ZNF248: variants seen among roughly 807,000 people sequenced by gnomAD.
The protein encoded by ZNF248 is zinc finger protein 248.
In ZNF248, 20 loss-of-function variants were observed where a neutral mutation model predicts 44.3. The observed-to-expected ratio is 0.45, with a 90% confidence interval of 0.32 to 0.66. The LOEUF is 0.66. Ranked by LOEUF, ZNF248 falls within the 30% of genes least tolerant of loss-of-function variation. The pLI, the probability that ZNF248 is intolerant of heterozygous loss-of-function variation, is 0.04. For missense variants in ZNF248, 654 were observed against 677.0 expected (o/e 0.97, Z 0.38); for synonymous variants, 224 against 229.0 (o/e 0.98, Z 0.20).
intron 6 of ZNF248, among the ~76,000 whole-genome samples, chr10:37,808,202 GA>G (rs377662725): frequency 0.04 from 6,071 of 151,290 alleles, 179 homozygotes; most frequent in Middle Eastern, 0.073. Context: ...GAAATAAACA[GA>G]AAAAAATCCT....
chr10:37,817,676 A>G (rs892750002), intron 6 of ZNF248, among the ~76,000 whole-genome samples: 1 of 152,138 alleles, frequency 6.6e-6, no homozygotes, highest in Non-Finnish European at 1.5e-5. Flanking sequence ...TTCAAATATA[A>G]AAAAGGGGAG....
At chr10:37,840,597 C>T (rs2058155274) in intron 3 of ZNF248, among the ~76,000 whole-genome samples, 1 of 152,076 alleles carries the variant, frequency 6.6e-6, no homozygotes, top group African/African-American at 2.4e-5. Flanking sequence ...CTGTGGAAGA[C>T]AGTTTGGCAA....
In ZNF248 at chr10:37,851,768, C is replaced by CAAAAAAAAAAAAAAAAAAA. The variant is rs57501241; in HGVS notation, c.15+4509_15+4527dup. ...ATCACTATATACCCATCAGAATGAC[C>CAAAAAAAAAAAAAAAAAAA]AAAAAAAAAAAAAAAAAAAAAAAAA... On this transcript the variant is annotated intron_variant, in intron 3 of 5. Transcript: ENST00000395867. Among the ~76,000 whole-genome samples the CAAAAAAAAAAAAAAAAAAA allele has an allele frequency of 6.2e-5, 2 of 32,062 alleles. 1 individual carries two copies. The allele number at this position is 32,062 out of a possible 152,430, so 21.0% of individuals were successfully genotyped here. A position where few individuals can be genotyped will look rare whatever the true frequency, so the allele number is the denominator to read the frequency against.
chr10:37,776,632 G>T, intron 6 of ZNF248: 1 of 396,888 alleles, frequency 2.5e-6, no homozygotes, highest in South Asian at 1.3e-4. Flanking sequence ...AAATCTCAAA[G>T]AACTTCCTTG....
downstream of ZNF248, among the ~76,000 whole-genome samples, chr10:37,828,252 C>T (rs1279700736): frequency 6.6e-6 from 1 of 152,192 alleles, no homozygotes; most frequent in East Asian, 1.9e-4. Context: ...ACTCCTCCCT[C>T]AATGTAGCCT....
chr10:37,838,516 T>C lies in ZNF248; in HGVS notation c.16-405A>G, dbSNP rs538836387. ...TAACTGTCATCAAGGAAGTAAAACT[T>C]TGTTATTAAAATAATGGGATTGAAA... On this transcript the variant is annotated intron_variant, in intron 3 of 5. Coordinates refer to ENST00000395867, the MANE Select transcript of ZNF248 (RefSeq NM_021045.3). Among the ~76,000 whole-genome samples, 18 of 152,300 alleles carry C rather than the reference T, an allele frequency of 1.2e-4. No homozygotes were observed. The South Asian group carries it at 3.7e-3, about 32-fold the overall frequency.
In ZNF248 at chr10:37,776,951, G is replaced by A. The variant is rs189331233; in HGVS notation, c.331-376C>T. On this transcript the variant is annotated intron_variant, in intron 6 of 6. Transcript: ENST00000615949. ...AGATTGTTGTAAGGACTAAATAAAAGAGCTAATGAGAAGAAAAAAGTATTT... is the reference window on the plus strand; with the variant it reads ...AGATTGTTGTAAGGACTAAATAAAAAAGCTAATGAGAAGAAAAAAGTATTT... Among the ~76,000 whole-genome samples, 599 of 152,264 alleles carry A rather than the reference G, an allele frequency of 3.9e-3. 3 individuals are homozygous for A. The highest frequency in any genetic ancestry group is 5.4e-3 in the Admixed American group (83 of 15,298).
intron 5 of ZNF248, among the ~76,000 whole-genome samples, chr10:37,834,831 T>C (rs2056768020): frequency 6.6e-6 from 1 of 152,036 alleles, no homozygotes; most frequent in Non-Finnish European, 1.5e-5. Flanking sequence ...TTCCAGTAAA[T>C]GAGAAAACAT....
At chr10:37,785,983 C>G (rs554148652) in intron 6 of ZNF248, among the ~76,000 whole-genome samples, 1 of 152,298 alleles carries the variant, frequency 6.6e-6, no homozygotes, top group Non-Finnish European at 1.5e-5. Context: ...ACCACAGAAG[C>G]AGCAGTGGAC....
chr10:37,808,154 T>A (rs2133340332), intron 6 of ZNF248, among the ~76,000 whole-genome samples: 1 of 152,322 alleles, frequency 6.6e-6, no homozygotes, highest in South Asian at 2.1e-4. Context: ...TGTATTACAT[T>A]AGGTGGCTTT....
intron 6 of ZNF248, among the ~76,000 whole-genome samples, chr10:37,815,229 G>A (rs2052248132): frequency 6.6e-6 from 1 of 152,040 alleles, no homozygotes; most frequent in South Asian, 2.1e-4. Context: ...ACCATGCATG[G>A]CTAATTTTTG....
chr10:37,847,998 C>T (rs200938), intron 3 of ZNF248, among the ~76,000 whole-genome samples: 6,618 of 152,274 alleles, frequency 0.043, 205 homozygotes, highest in Middle Eastern at 0.078. Flanking sequence ...AGGCAGGGCA[C>T]AGTGGCTCAC....
downstream of ZNF248, among the ~76,000 whole-genome samples, chr10:37,823,865 T>C (rs1214844858): frequency 1.3e-5 from 2 of 151,998 alleles, no homozygotes; most frequent in African/African-American, 4.8e-5. Flanking sequence ...TGAGCCACCA[T>C]ACCAGGGCAA....
At chr10:37,762,731 C>T in the ZNF248 span, among the ~76,000 whole-genome samples, 37 of 152,202 alleles carry the variant, frequency 2.4e-4, no homozygotes, top group Admixed American at 7.2e-4. Flanking sequence ...ACAAATAGTT[C>T]CTGGGTTACA....
intron 3 of ZNF248, among the ~76,000 whole-genome samples, chr10:37,838,316 T>C (rs2057650892): frequency 6.6e-6 from 1 of 152,202 alleles, no homozygotes; most frequent in South Asian, 2.1e-4. Flanking sequence ...CAAATCCTAC[T>C]GGTGAAAACA....
chr10:37,816,411 G>A (rs1676814101), intron 6 of ZNF248, among the ~76,000 whole-genome samples: 1 of 152,174 alleles, frequency 6.6e-6, no homozygotes. Context: ...CAAAGCTGCT[G>A]GCACGGGTGA....
intron 3 of ZNF248, among the ~76,000 whole-genome samples, chr10:37,846,864 A>C (rs1300142601): frequency 7.2e-5 from 11 of 152,258 alleles, no homozygotes; most frequent in Admixed American, 7.2e-4. Context: ...ACAGTAAATA[A>C]AGATATGGAG....
intron 6 of ZNF248, among the ~76,000 whole-genome samples, chr10:37,798,623 C>A (rs2049424202): frequency 6.6e-6 from 1 of 151,744 alleles, no homozygotes. Context: ...TGAATACAAA[C>A]ATAACAAGAA....
chr10:37,819,239 A>T, intron 6 of ZNF248: 1 of 848,384 alleles, frequency 1.2e-6, no homozygotes, highest in South Asian at 1.3e-5. Context: ...CTCTGACATT[A>T]ATTTGTGCCG....
Sources: gnomAD v4.1 joint callset for allele counts (sites outside exome capture counted in the v4.1 genomes callset) on GRCh38, gnomAD v4.1.1 for gene constraint, MANE v1.5 for transcripts, NCBI Gene and HGNC (gene_info 2026-07-23, HGNC 2026-07-21) for gene names.